The following CDH4 variants were observed in gnomAD, a reference collection of about 807,000 sequenced individuals.
CDH4 encodes cadherin-4.
A neutral mutation model predicts 86.0 loss-of-function variants in CDH4; 33 were observed. The observed-to-expected ratio is 0.38, with a 90% CI of 0.29 to 0.51. CDH4 has a LOEUF of 0.51. Among genes scored for constraint, CDH4 ranks in the 20% least tolerant of loss-of-function variants. The pLI, the probability that CDH4 is intolerant of heterozygous loss-of-function variation, is 0.86. For missense variants in CDH4, 1,114 were observed against 1,307.4 expected (o/e 0.85, Z 2.28); for synonymous variants, 555 against 549.4 (o/e 1.01, Z -0.14).
intron 2 of CDH4, among the ~76,000 whole-genome samples, chr20:61,390,299 C>T (rs1222927348): frequency 2.8e-5 from 4 of 143,338 alleles, no homozygotes; most frequent in Admixed American, 1.4e-4. Context: ...TGGGAAACCC[C>T]GATTGAGATC....
At chr20:61,616,378 A>G (rs1396785471) in intron 2 of CDH4, among the ~76,000 whole-genome samples, 2 of 151,834 alleles carry the variant, frequency 1.3e-5, no homozygotes, top group African/African-American at 4.8e-5. Flanking sequence ...TCTCTGGAGG[A>G]CTCTGGAGAC....
chr20:61,360,680 C>T (rs540164176), intron 2 of CDH4, among the ~76,000 whole-genome samples: 9 of 152,288 alleles, frequency 5.9e-5, no homozygotes, highest in East Asian at 5.8e-4. Context: ...ATGTTCCTTA[C>T]GGTTCCACTC....
intron 2 of CDH4, among the ~76,000 whole-genome samples, chr20:61,689,257 T>TCGGGC: frequency 1.1e-5 from 1 of 92,162 alleles, no homozygotes; most frequent in East Asian, 4.4e-4. Context: ...TGATGTGGAA[T>TCGGGC]TGGGCTGGGA....
chr20:61,485,922 C>T (rs1474287026), intron 2 of CDH4, among the ~76,000 whole-genome samples: 1 of 152,244 alleles, frequency 6.6e-6, no homozygotes, highest in East Asian at 1.9e-4. Context: ...TCCCAACACA[C>T]GCACCCACTA....
chr20:61,500,881 A>G (rs1303355655), intron 2 of CDH4, among the ~76,000 whole-genome samples: 1 of 152,256 alleles, frequency 6.6e-6, no homozygotes, highest in Non-Finnish European at 1.5e-5. Context: ...GCATGCCCTC[A>G]GGCCCACGCA....
Position 61,663,510 on chromosome 20 carries a change from G to A in CDH4, c.170-80053G>A, listed in dbSNP as rs537960602. 1.3e-3 allele frequency among the ~76,000 whole-genome samples: 194 copies of A among 152,174 alleles called. No homozygotes were observed. Among genetic ancestry groups the A allele is most frequent in the African/African-American group, 1.6e-3 (67 of 41,506 alleles). On this transcript the variant is annotated intron_variant, in intron 2 of 15. Transcript: ENST00000614565. The surrounding 1 kb of genome is among the most constrained non-coding windows in gnomAD (Gnocchi z 5.0). ...AAATGCCAATGCTGGGGATGCCGCCGAGTGGGTCAGAGGGGCCGGAGGAAG... is the reference window on the plus strand; with the variant it reads ...AAATGCCAATGCTGGGGATGCCGCCAAGTGGGTCAGAGGGGCCGGAGGAAG...
chr20:61,914,922 C>T (rs1320640092), intron 9 of CDH4, among the ~76,000 whole-genome samples: 1 of 152,184 alleles, frequency 6.6e-6, no homozygotes, highest in Admixed American at 6.5e-5. Context: ...ACCTAGAGAA[C>T]TAGTGCCGTC....
chr20:61,748,984 G>C (rs2088453570), intron 3 of CDH4, among the ~76,000 whole-genome samples: 1 of 74,260 alleles, frequency 1.3e-5, no homozygotes, highest in Non-Finnish European at 2.6e-5. Flanking sequence ...TATGCAGTTT[G>C]TAAAAGATAT....
rs887922748 is a variant in CDH4, at chr20:61,392,387, G to A, written c.169+137450G>A. Among the ~76,000 whole-genome samples, 1 of 152,024 alleles carries A rather than the reference G, an allele frequency of 6.6e-6. No homozygotes were observed. Among genetic ancestry groups the A allele is most frequent in the Non-Finnish European group, 1.5e-5 (1 of 67,996 alleles). ...TGCTCAGTATGCATGATCACAGGGC[G>A]CCACCGGGATGGAACGCACGGCGCC... On this transcript the variant is annotated intron_variant, in intron 2 of 15. Coordinates refer to ENST00000614565, the MANE Select transcript of CDH4 (RefSeq NM_001794.5). This position sits in a 1 kb window ranked among gnomAD's most constrained non-coding sequence, Gnocchi z 5.7.
chr20:61,444,445 TTG>T (rs1272243774), intron 2 of CDH4, among the ~76,000 whole-genome samples: 13 of 140,556 alleles, frequency 9.2e-5, no homozygotes, highest in Non-Finnish European at 1.5e-5. Flanking sequence ...GTGGGTTTCT[TTG>T]TGTGTGTATT....
chr20:61,818,180 C>G (rs553159705), intron 4 of CDH4, among the ~76,000 whole-genome samples: 2 of 152,204 alleles, frequency 1.3e-5, no homozygotes, highest in Non-Finnish European at 2.9e-5. Context: ...TAGGTACACA[C>G]CACTACGCCT....
chr20:61,401,678 T>C (rs553288087), intron 2 of CDH4, among the ~76,000 whole-genome samples: 1 of 152,332 alleles, frequency 6.6e-6, no homozygotes, highest in Admixed American at 6.5e-5. Context: ...CCTCTTCTCA[T>C]AACTGTGATA....
chr20:61,577,389 A>C (rs1369538166), intron 2 of CDH4, among the ~76,000 whole-genome samples: 1 of 149,140 alleles, frequency 6.7e-6, no homozygotes, highest in Non-Finnish European at 1.5e-5. Flanking sequence ...GGATGTTTGT[A>C]TATTGAAGGA....
rs1187865971 is a variant in CDH4 at position 61,565,265 on chromosome 20, G to GGTA, written c.170-178296_170-178295insAGT. 3.2e-4 allele frequency among the ~76,000 whole-genome samples: 7 copies of GGTA among 21,740 alleles called. 1 individual carries two copies. Among genetic ancestry groups the GGTA allele is most frequent in the Admixed American group, 1.4e-3 (3 of 2,096 alleles). 14.3% of individuals were successfully genotyped at this position (21,740 alleles called of 152,430 possible). A position where few individuals can be genotyped will look rare whatever the true frequency, so the allele number is the denominator to read the frequency against. On this transcript the variant is annotated intron_variant, in intron 2 of 15. Transcript: ENST00000614565. ...TGGCGGTGCTCTTGGTGATGGTGGT[G>GGTA]GTGGTCCTCTTGGTGATGGGGTGAT...
chr20:61,815,285 G>A (rs1023794916), intron 4 of CDH4, among the ~76,000 whole-genome samples: 58 of 152,216 alleles, frequency 3.8e-4, no homozygotes, highest in African/African-American at 1.4e-3. Flanking sequence ...GCATCCCAGG[G>A]TGGCTGCTGT....
intron 13 of CDH4, 91 bp from the exon 14 acceptor site, chr20:61,932,894 T>C (rs1374610786): frequency 1.3e-6 from 2 of 1,515,538 alleles, no homozygotes; most frequent in African/African-American, 1.4e-5. Context: ...GCCACCTGCA[T>C]GTACATGCCC....
intron 2 of CDH4, among the ~76,000 whole-genome samples, chr20:61,263,144 A>C (rs1350847744): frequency 1.3e-5 from 2 of 152,118 alleles, no homozygotes; most frequent in African/African-American, 2.4e-5. Context: ...TGTTCTTGTA[A>C]AACCTCATGG....
chr20:61,660,852 G>C (rs1044465288), intron 2 of CDH4, among the ~76,000 whole-genome samples: 12 of 152,180 alleles, frequency 7.9e-5, no homozygotes, highest in Non-Finnish European at 1.6e-4. Flanking sequence ...GAGCCTCTTT[G>C]CCCGGTTTCC....
intron 7 of CDH4, among the ~76,000 whole-genome samples, chr20:61,886,483 G>A (rs1984543483): frequency 6.6e-6 from 1 of 152,210 alleles, no homozygotes; most frequent in Non-Finnish European, 1.5e-5. Flanking sequence ...CTCTGCACCT[G>A]GCAGAAGCAG....
Sources: allele counts gnomAD v4.1 joint callset (sites outside exome capture counted in the v4.1 genomes callset), GRCh38; gene constraint gnomAD v4.1.1; non-coding constraint Gnocchi (gnomAD v3.1); transcripts MANE v1.5; gene names NCBI Gene and HGNC (gene_info 2026-07-23, HGNC 2026-07-21).